TUNAR: variants seen among roughly 807,000 people sequenced by gnomAD.
TUNAR encodes the protein transmembrane neural differentiation associated intracellular calcium regulator.
At chr14:95,899,172 G>A (rs1033673326) in intron 2 of TUNAR, among the ~76,000 whole-genome samples, 2 of 152,178 alleles carry the variant, frequency 1.3e-5, no homozygotes, top group African/African-American at 4.8e-5. Context: ...CCCACCACTG[G>A]TCTGTGCCTC....
At chr14:95,884,591 A>C (rs1393134937) in intron 2 of TUNAR, among the ~76,000 whole-genome samples, 1 of 152,228 alleles carries the variant, frequency 6.6e-6, no homozygotes, top group Non-Finnish European at 1.5e-5. Flanking sequence ...ACCGTGTTAC[A>C]GGGTGACTCA....
At chr14:95,921,101 A>T (rs1014155858) in intron 2 of TUNAR, among the ~76,000 whole-genome samples, 1 of 152,200 alleles carries the variant, frequency 6.6e-6, no homozygotes, top group Non-Finnish European at 1.5e-5. Flanking sequence ...ATTTGGGGGA[A>T]TGTCAGCCTT....
At chr14:95,886,152 C>T (rs527792162) in intron 2 of TUNAR, among the ~76,000 whole-genome samples, 2 of 152,200 alleles carry the variant, frequency 1.3e-5, no homozygotes, top group Non-Finnish European at 2.9e-5. Flanking sequence ...GGCCTAAAAA[C>T]AATGCTCCCA....
chr14:95,898,687 G>T (rs979529812), intron 2 of TUNAR, among the ~76,000 whole-genome samples: 1 of 151,702 alleles, frequency 6.6e-6, no homozygotes, highest in Non-Finnish European at 1.5e-5. Flanking sequence ...GCTTTTTCTT[G>T]TCTCTGATCA....
At chr14:95,890,709 T>A (rs1450072513) in intron 2 of TUNAR, among the ~76,000 whole-genome samples, 1 of 152,232 alleles carries the variant, frequency 6.6e-6, no homozygotes, top group East Asian at 1.9e-4. Context: ...GGTATAAGAT[T>A]GCCCAATTTT....
intron 2 of TUNAR, among the ~76,000 whole-genome samples, chr14:95,878,922 TAATC>T (rs1237049328): frequency 1.3e-5 from 2 of 152,148 alleles, no homozygotes; most frequent in African/African-American, 2.4e-5. Context: ...CCTCCAAAAA[TAATC>T]AATCATATTT....
chr14:95,881,031 A>G (rs56300342), intron 2 of TUNAR, among the ~76,000 whole-genome samples: 10 of 152,248 alleles, frequency 6.6e-5, no homozygotes, highest in African/African-American at 2.4e-4. Context: ...GTTTAAATCA[A>G]CCCGTGCTGG....
chr14:95,923,971 G>A (rs558697990), exon 3 of TUNAR: 7 of 152,300 alleles, frequency 4.6e-5, no homozygotes, highest in African/African-American at 7.2e-5. Context: ...GAAGAAGAGC[G>A]TGGCTATATT....
At chr14:95,914,241 A>C (rs1889566116) in intron 2 of TUNAR, among the ~76,000 whole-genome samples, 1 of 152,212 alleles carries the variant, frequency 6.6e-6, no homozygotes, top group Non-Finnish European at 1.5e-5. Flanking sequence ...CTGTGTAGGA[A>C]GACAATCATC....
At chr14:95,881,324 G>A (rs1450834064) in intron 2 of TUNAR, among the ~76,000 whole-genome samples, 1 of 152,214 alleles carries the variant, frequency 6.6e-6, no homozygotes, top group Non-Finnish European at 1.5e-5. Flanking sequence ...TGATTCTTTG[G>A]GAAAAGCTAA....
intron 2 of TUNAR, among the ~76,000 whole-genome samples, chr14:95,909,683 C>T (rs1332525567): frequency 1.3e-5 from 2 of 152,190 alleles, no homozygotes; most frequent in African/African-American, 4.8e-5. Flanking sequence ...TGCATGCACT[C>T]ACTCTCAGTA....
At chr14:95,901,766 A>G (rs998899584) in intron 2 of TUNAR, among the ~76,000 whole-genome samples, 6 of 152,244 alleles carry the variant, frequency 3.9e-5, no homozygotes, top group Admixed American at 2.0e-4. Context: ...AAAAAATAAC[A>G]TACTTTGGAG....
At chr14:95,909,554 A>AT (rs1889480513) in intron 2 of TUNAR, among the ~76,000 whole-genome samples, 1 of 152,104 alleles carries the variant, frequency 6.6e-6, no homozygotes, top group African/African-American at 2.4e-5. Flanking sequence ...AAGTGCTGGG[A>AT]TTACAGGCGT....
At chr14:95,878,174 G>A (rs1888920958) in intron 2 of TUNAR, among the ~76,000 whole-genome samples, 1 of 152,202 alleles carries the variant, frequency 6.6e-6, no homozygotes. Context: ...CAGAACTTCT[G>A]AGCCCCAAAC....
At chr14:95,894,417 C>T (rs1312890499) in intron 2 of TUNAR, among the ~76,000 whole-genome samples, 4 of 152,182 alleles carry the variant, frequency 2.6e-5, no homozygotes, top group Admixed American at 6.5e-5. Context: ...TTTGGGTCCC[C>T]GTTCCCCAGG....
chr14:95,891,676 G>T (rs1008919106), intron 2 of TUNAR, among the ~76,000 whole-genome samples: 1 of 152,220 alleles, frequency 6.6e-6, no homozygotes, highest in Admixed American at 6.5e-5. Context: ...TGGCTCTGTT[G>T]TCTGTTACGT....
chr14:95,879,490 G>A (rs1888942806), intron 2 of TUNAR, among the ~76,000 whole-genome samples: 1 of 152,174 alleles, frequency 6.6e-6, no homozygotes, highest in African/African-American at 2.4e-5. Flanking sequence ...AGTTGCTTTT[G>A]AAAATGCTGA....
chr14:95,913,759 A>T (rs1889557216), intron 2 of TUNAR, among the ~76,000 whole-genome samples: 1 of 151,840 alleles, frequency 6.6e-6, no homozygotes, highest in South Asian at 2.1e-4. Flanking sequence ...TTTGAGACAG[A>T]GTCTCACTCT....
chr14:95,888,669 A>C (rs1889116761), intron 2 of TUNAR, among the ~76,000 whole-genome samples: 1 of 152,148 alleles, frequency 6.6e-6, no homozygotes, highest in Non-Finnish European at 1.5e-5. Context: ...CCATTGACCC[A>C]AGAGAGAGCA....
Sources: gnomAD v4.1 joint callset for allele counts (sites outside exome capture counted in the v4.1 genomes callset) on GRCh38, gnomAD v4.1.1 for gene constraint, MANE v1.5 for transcripts, NCBI Gene and HGNC (gene_info 2026-07-23, HGNC 2026-07-21) for gene names.